The following RBL1 variants were observed in gnomAD, a reference collection of about 807,000 sequenced individuals.
RBL1 encodes the protein retinoblastoma-like protein 1.
RBL1 carries 82 observed loss-of-function variants against 123.0 expected under a neutral mutation model. That is an observed-to-expected ratio of 0.67 (90% CI 0.56 to 0.80). The LOEUF is 0.80. Ranked by LOEUF, RBL1 falls within the 30% of genes least tolerant of loss-of-function variation. The pLI is 0.00. For missense variants in RBL1, 1,171 were observed against 1,299.6 expected (o/e 0.90, Z 1.52); for synonymous variants, 405 against 441.3 (o/e 0.92, Z 1.03).
chr20:37,094,721 A>G lies in RBL1; in HGVS notation c.156+1052T>C, dbSNP rs544696888. Among the ~76,000 whole-genome samples the G allele has an allele frequency of 1.5e-4, 23 of 152,210 alleles. No homozygotes were observed. The South Asian group carries it at 4.6e-3, about 30-fold the overall frequency. ...GTGTGATCTCCACTCACTGCGGCCT[A>G]TGCCTCCTGGGTTTAAGCAATTCTC... On this transcript the variant is annotated intron_variant, in intron 1 of 21. Coordinates refer to ENST00000373664, the MANE Select transcript of RBL1 (RefSeq NM_002895.5).
At position 37,035,361 on chromosome 20, in the gene RBL1, G is replaced by C. The variant is rs1205370617; in HGVS notation, c.2051C>G (p.Ala684Gly). ...IITEGTKLKIAPSSSITAENV... is the reference protein window; with the variant it reads ...IITEGTKLKIGPSSSITAENV... Reference sequence around the variant, plus strand: ...TTCAGCAGTAATGCTTGAAGAAGGAGCGATTTTCAATTTTGTTCCTTCTGT... The same window carrying C: ...TTCAGCAGTAATGCTTGAAGAAGGACCGATTTTCAATTTTGTTCCTTCTGT... The change falls in exon 15 of 22, where the codon GCT becomes GGT. Residue 684 changes from alanine (A) to glycine (G), a missense_variant. Transcript: ENST00000373664. The C allele has an allele frequency of 6.2e-7, 1 of 1,614,010 alleles. No homozygotes were observed. Among genetic ancestry groups the C allele is most frequent in the Non-Finnish European group, 8.5e-7 (1 of 1,180,034 alleles).
chr20:37,001,918 T>TAAAAAAAAAA (rs757774894), intron 21 of RBL1, among the ~76,000 whole-genome samples: 220 of 86,178 alleles, frequency 2.6e-3, no homozygotes, highest in Admixed American at 3.4e-3. Flanking sequence ...TGCAGAACAA[T>TAAAAAAAAAA]AAAAAAAAAA....
At chr20:37,012,173 T>G (rs1185905216) in intron 19 of RBL1, among the ~76,000 whole-genome samples, 1 of 152,222 alleles carries the variant, frequency 6.6e-6, no homozygotes, top group Non-Finnish European at 1.5e-5. Flanking sequence ...TGCTCAATGG[T>G]GCCCAGGCTG....
chr20:37,005,453 C>T (rs554850184), intron 20 of RBL1, among the ~76,000 whole-genome samples: 52 of 150,638 alleles, frequency 3.5e-4, no homozygotes, highest in Non-Finnish European at 6.1e-4. Context: ...AATCTTCTAA[C>T]ACTTGCTGTA....
intron 12 of RBL1, among the ~76,000 whole-genome samples, chr20:37,044,825 C>A (rs572397105): frequency 3.5e-4 from 53 of 152,278 alleles, no homozygotes; most frequent in African/African-American, 1.2e-3. Flanking sequence ...AACTGGTCAA[C>A]AGACCAACAG....
In RBL1 at chr20:37,007,507, C is replaced by T. The variant is rs1462338142; in HGVS notation, c.2775G>A (p.Glu925=). 1 of 1,613,738 alleles carries T rather than the reference C, an allele frequency of 6.2e-7. No individual in the cohort carries two copies. Among genetic ancestry groups the T allele is most frequent in the Admixed American group, 1.7e-5 (1 of 59,974 alleles). Residue 925 remains glutamate, a synonymous_variant, in exon 20 of 22, where the codon GAG becomes GAA. Coordinates refer to ENST00000373664, the MANE Select transcript of RBL1 (RefSeq NM_002895.5). ...AAAATTTTATAAGATCACCTCTTTC[C>T]TCTTTCACTGGTCCACTGGAACAGT... ...TPDCSSGPVK[E]ERGDLIKFYN...
chr20:37,003,639 G>T, intron 21 of RBL1, 63 bp downstream of exon 21: 2 of 1,397,654 alleles, frequency 1.4e-6, no homozygotes, highest in South Asian at 1.7e-5. Flanking sequence ...AAAAAAAAAA[G>T]AGGCAGGATT....
chr20:37,040,375 A>G, intron 13 of RBL1, 90 bp from the exon 14 acceptor site: 3 of 1,505,642 alleles, frequency 2.0e-6, no homozygotes, highest in Non-Finnish European at 2.7e-6. Flanking sequence ...TTTTTGAGAT[A>G]AAGTCTCATT....
intron 16 of RBL1, among the ~76,000 whole-genome samples, chr20:37,026,557 A>G (rs1431502956): frequency 1.3e-5 from 2 of 152,090 alleles, no homozygotes; most frequent in Non-Finnish European, 2.9e-5. Flanking sequence ...TACAAAAATT[A>G]GCCGGGTGTG....
At position 37,054,552 on chromosome 20, in the gene RBL1, G is replaced by A. The variant is rs553174085; in HGVS notation, c.1467+1001C>T. Among the ~76,000 whole-genome samples, 20 of 152,028 alleles carry A rather than the reference G, an allele frequency of 1.3e-4. No individual in the cohort carries two copies. In the South Asian group the frequency reaches 3.7e-3, roughly 28 times the overall value. ...GTTAAAAAATTTACTTCTTTCAGCTGGGTGAGGTGGCTCATGGCTGTAATC... is the reference window on the plus strand; with the variant it reads ...GTTAAAAAATTTACTTCTTTCAGCTAGGTGAGGTGGCTCATGGCTGTAATC... On this transcript the variant is annotated intron_variant, in intron 11 of 21. Transcript: ENST00000373664.
At position 37,095,988 on chromosome 20, in the gene RBL1, C is replaced by T. The variant is rs748522635; in HGVS notation, c.-60G>A. 12 of 1,355,870 alleles carry T rather than the reference C, an allele frequency of 8.9e-6. No homozygotes were observed. The highest frequency in any genetic ancestry group is 7.5e-5 in the Admixed American group (3 of 39,938). The allele number at this position is 1,355,870 out of a possible 1,614,324, so 84.0% of individuals were successfully genotyped here. Reference sequence around the variant, plus strand: ...CCGACTTCTTTCTCCCTCCCAGGCGCGCTACCCACAACCACCTGCGCCAAA... The same window carrying T: ...CCGACTTCTTTCTCCCTCCCAGGCGTGCTACCCACAACCACCTGCGCCAAA... On this transcript the variant is annotated 5_prime_UTR_variant, in exon 1 of 22. Transcript: ENST00000373664.
intron 19 of RBL1, among the ~76,000 whole-genome samples, chr20:37,011,711 A>T (rs2064150960): frequency 6.6e-6 from 1 of 152,180 alleles, no homozygotes; most frequent in Non-Finnish European, 1.5e-5. Context: ...CTGGGATTAC[A>T]GGTGTGAGCC....
intron 11 of RBL1, among the ~76,000 whole-genome samples, chr20:37,050,842 T>C (rs2064898616): frequency 6.6e-6 from 1 of 151,174 alleles, no homozygotes; most frequent in Non-Finnish European, 1.5e-5. Flanking sequence ...TGATAAAAGA[T>C]ACTCAAAGAT....
At position 37,051,014 on chromosome 20, in the gene RBL1, G is replaced by GT. The variant is rs552033092; in HGVS notation, c.1468-3825dup. 1.6e-4 allele frequency among the ~76,000 whole-genome samples: 24 copies of GT among 151,168 alleles called. 1 individual carries two copies. Among genetic ancestry groups the GT allele is most frequent in the Admixed American group, 2.0e-4 (3 of 15,144 alleles). On this transcript the variant is annotated intron_variant, in intron 11 of 21. Coordinates refer to ENST00000373664, the MANE Select transcript of RBL1 (RefSeq NM_002895.5). ...ATCTAGAATTCTTTTCTTTTTTTAA[G>GT]TTTTTTTTTGTTTTTAGGGATGGGG...
At chr20:37,067,612 T>C (rs971525915) in intron 3 of RBL1, among the ~76,000 whole-genome samples, 3 of 150,678 alleles carry the variant, frequency 2.0e-5, no homozygotes, top group African/African-American at 7.3e-5. Context: ...CTACTAAAAA[T>C]ACAAAAAATG....
At chr20:37,056,620 TG>T (rs1180650548) in intron 9 of RBL1, among the ~76,000 whole-genome samples, 1 of 152,118 alleles carries the variant, frequency 6.6e-6, no homozygotes, top group Non-Finnish European at 1.5e-5. Context: ...CCCAAAATGC[TG>T]GGATTACAGG....
intron 16 of RBL1, among the ~76,000 whole-genome samples, chr20:37,027,339 A>C (rs2146238754): frequency 6.6e-6 from 1 of 152,292 alleles, no homozygotes; most frequent in African/African-American, 2.4e-5. Flanking sequence ...ACCCTGTCTC[A>C]AAATAATAAT....
At chr20:37,007,373 C>T (rs778230267) in intron 20 of RBL1, 38 bp downstream of exon 20, 43 of 1,590,620 alleles carry the variant, frequency 2.7e-5, no homozygotes, top group Non-Finnish European at 3.4e-5. Flanking sequence ...CCAACTATGA[C>T]AGCAAATAAT....
At chr20:37,063,858 C>T (rs1348577004) in intron 7 of RBL1, among the ~76,000 whole-genome samples, 3 of 149,164 alleles carry the variant, frequency 2.0e-5, no homozygotes, top group Admixed American at 1.3e-4. Context: ...GGTCTCACTC[C>T]GTCAAGCAGG....
Sources: allele counts gnomAD v4.1 joint callset (sites outside exome capture counted in the v4.1 genomes callset), GRCh38; gene constraint gnomAD v4.1.1; transcripts MANE v1.5; gene names NCBI Gene and HGNC (gene_info 2026-07-23, HGNC 2026-07-21).